The following RBFOX1 variants were observed in gnomAD, a reference collection of about 807,000 sequenced individuals.
The protein encoded by RBFOX1 is RNA binding protein fox-1 homolog 1.
Under a neutral mutation model 57.7 loss-of-function variants are expected in RBFOX1, and 8 were observed. The observed-to-expected ratio is 0.14, with a 90% CI of 0.08 to 0.25. The LOEUF is 0.25. Ranked by LOEUF, RBFOX1 falls within the 10% of genes least tolerant of loss-of-function variation. RBFOX1 has a pLI of 1.00. For synonymous variants in RBFOX1, 326 were observed against 222.4 expected (o/e 1.47, Z -4.15); for missense variants, 611 against 548.5 (o/e 1.11, Z -1.14).
At chr16:5,862,776 G>C (rs2057254327) in intron 3 of RBFOX1, among the ~76,000 whole-genome samples, 2 of 152,164 alleles carry the variant, frequency 1.3e-5, no homozygotes, top group African/African-American at 2.4e-5. Flanking sequence ...GTTTCCGAAA[G>C]AGACCTAACA....
At position 7,591,365 on chromosome 16, in the gene RBFOX1, C is replaced by G. The variant is rs182546530; in HGVS notation, c.468+4065C>G. Among the ~76,000 whole-genome samples the G allele has an allele frequency of 5.6e-4, 85 of 152,006 alleles. 2 individuals are homozygous for G. The highest frequency in any genetic ancestry group is 3.3e-4 in the Admixed American group (5 of 15,266). ...TTTCATCTAGGATGAAAAATCAGTACCTTCATCCATCCAGGGTGCTTTATT... is the reference window on the plus strand; with the variant it reads ...TTTCATCTAGGATGAAAAATCAGTAGCTTCATCCATCCAGGGTGCTTTATT... On this transcript the variant is annotated intron_variant, in intron 7 of 15. Coordinates refer to ENST00000550418, the MANE Select transcript of RBFOX1 (RefSeq NM_018723.4).
intron 1 of RBFOX1, among the ~76,000 whole-genome samples, chr16:6,034,196 G>T (rs2095330516): frequency 6.6e-6 from 1 of 151,756 alleles, no homozygotes; most frequent in African/African-American, 2.4e-5. Context: ...TTAGCTGGGG[G>T]TGGTGGTGGG....
chr16:7,148,055 T>C (rs1039215535), intron 4 of RBFOX1, among the ~76,000 whole-genome samples: 1 of 152,164 alleles, frequency 6.6e-6, no homozygotes, highest in African/African-American at 2.4e-5. Context: ...ACTTTCTCTT[T>C]AGCAGAACAC....
intron 1 of RBFOX1, among the ~76,000 whole-genome samples, chr16:5,291,324 G>A (rs1364730040): frequency 1.4e-5 from 2 of 141,750 alleles, no homozygotes; most frequent in East Asian, 2.1e-4. Flanking sequence ...GTGCAGTGAC[G>A]CGATCTCTGC....
intron 1 of RBFOX1, among the ~76,000 whole-genome samples, chr16:6,124,467 T>C (rs2096574492): frequency 6.6e-6 from 1 of 152,150 alleles, no homozygotes; most frequent in Admixed American, 6.6e-5. Flanking sequence ...CACTCCAGAC[T>C]GGGACCTGGT....
In RBFOX1 at chr16:5,924,464, C is replaced by G. The variant is rs113390139; in HGVS notation, c.351+57129C>G. On this transcript the variant is annotated intron_variant, in intron 4 of 19. Coordinates refer to the RBFOX1 transcript ENST00000641259. ...TGCGATTGGTGGGTAAATGAATTCT[C>G]TATTCATTCCTTTGAGAGCTGGTTG... Among the ~76,000 whole-genome samples, 21 of 152,208 alleles carry G rather than the reference C, an allele frequency of 1.4e-4. 1 individual carries two copies. The highest frequency in any genetic ancestry group is 4.6e-4 in the African/African-American group (19 of 41,552).
At chr16:6,419,740 T>A (rs1397034353) in intron 2 of RBFOX1, among the ~76,000 whole-genome samples, 1 of 152,186 alleles carries the variant, frequency 6.6e-6, no homozygotes, top group Non-Finnish European at 1.5e-5. Flanking sequence ...TTCTATCTTT[T>A]ACACGCAGCA....
chr16:5,609,503 A>T (rs945680568), intron 3 of RBFOX1, among the ~76,000 whole-genome samples: 7 of 152,164 alleles, frequency 4.6e-5, no homozygotes, highest in African/African-American at 1.7e-4. Context: ...TGTGGAGACA[A>T]AGGGCAGGAT....
At chr16:5,271,255 G>C (rs9924200) in intron 1 of RBFOX1, among the ~76,000 whole-genome samples, 3,072 of 152,298 alleles carry the variant, frequency 0.02, 96 homozygotes, top group African/African-American at 0.07. Context: ...TCTGAAGGCT[G>C]AGGTGGGAGG....
chr16:6,924,469 A>G (rs903049384), intron 3 of RBFOX1, among the ~76,000 whole-genome samples: 14 of 152,028 alleles, frequency 9.2e-5, no homozygotes, highest in Non-Finnish European at 1.3e-4. Flanking sequence ...GCACCAAGCC[A>G]TTCTTGAGGA....
chr16:5,895,677 C>A (rs1343997479), intron 4 of RBFOX1, among the ~76,000 whole-genome samples: 1 of 152,162 alleles, frequency 6.6e-6, no homozygotes. Flanking sequence ...TTAACTCTTG[C>A]AGACTTAGTC....
chr16:6,510,641 A>G (rs897747098), intron 2 of RBFOX1, among the ~76,000 whole-genome samples: 5 of 152,192 alleles, frequency 3.3e-5, no homozygotes, highest in African/African-American at 1.2e-4. Flanking sequence ...ATGATTTTTA[A>G]TAGTCTGTAT....
intron 3 of RBFOX1, among the ~76,000 whole-genome samples, chr16:5,788,910 G>A (rs1318431519): frequency 6.6e-6 from 1 of 152,146 alleles, no homozygotes; most frequent in Non-Finnish European, 1.5e-5. Context: ...CCATATGTAA[G>A]GCTTTCCTGT....
intron 4 of RBFOX1, among the ~76,000 whole-genome samples, chr16:7,083,139 G>A (rs528630601): frequency 1.1e-4 from 16 of 152,248 alleles, no homozygotes; most frequent in African/African-American, 3.6e-4. Flanking sequence ...ATTTGGTTAT[G>A]AGCAGAATTT....
At chr16:6,598,890 G>C (rs904185871) in intron 2 of RBFOX1, among the ~76,000 whole-genome samples, 24 of 152,278 alleles carry the variant, frequency 1.6e-4, no homozygotes, top group African/African-American at 5.3e-4. Context: ...AAGTTACAGT[G>C]AGCTGAGATT....
At chr16:7,216,624 C>G (rs1037342072) in intron 4 of RBFOX1, among the ~76,000 whole-genome samples, 1 of 152,006 alleles carries the variant, frequency 6.6e-6, no homozygotes, top group Non-Finnish European at 1.5e-5. Context: ...TACCGCTGTA[C>G]TCCAGCCTGG....
At chr16:6,489,830 G>T (rs149176601) in intron 2 of RBFOX1, among the ~76,000 whole-genome samples, 2 of 152,168 alleles carry the variant, frequency 1.3e-5, no homozygotes, top group African/African-American at 4.8e-5. Context: ...CAGCAAAAAA[G>T]CCACCAAAGG....
chr16:7,286,448 A>ATTTTT (rs940492155), intron 4 of RBFOX1, among the ~76,000 whole-genome samples: 9 of 121,870 alleles, frequency 7.4e-5, no homozygotes, highest in East Asian at 4.8e-4. Flanking sequence ...ATACTTTCTT[A>ATTTTT]TTTTTTTTTT....
chr16:6,752,628 G>A (rs2075129871), intron 3 of RBFOX1, among the ~76,000 whole-genome samples: 1 of 152,142 alleles, frequency 6.6e-6, no homozygotes, highest in African/African-American at 2.4e-5. Flanking sequence ...TTGCCATAAT[G>A]TTCTTCCATT....
Sources: gnomAD v4.1 joint callset for allele counts (sites outside exome capture counted in the v4.1 genomes callset) on GRCh38, gnomAD v4.1.1 for gene constraint, MANE v1.5 for transcripts, NCBI Gene and HGNC (gene_info 2026-07-23, HGNC 2026-07-21) for gene names.